Variants in ASB16 observed in about 807,000 individuals in gnomAD.
The protein encoded by ASB16 is ankyrin repeat and SOCS box containing 16, also known as ankyrin repeat and SOCS box protein 16.
Under a neutral mutation model 39.1 loss-of-function variants are expected in ASB16, and 44 were observed. The ratio of observed to expected loss-of-function variants is 1.13; its 90% CI spans 0.88 to 1.45. The LOEUF (loss-of-function observed/expected upper bound fraction) is 1.45, where lower values mean the gene tolerates loss of function less well. ASB16 is among the 40% of genes most tolerant of loss of function. The pLI is 0.00. For synonymous variants in ASB16, 305 were observed against 286.7 expected, an observed-to-expected ratio of 1.06 and a Z score of -0.64; for missense variants, 698 against 634.5, an observed-to-expected ratio of 1.10 and a Z score of -1.07.
In ASB16 at chr17:44,172,131, CCT is replaced by C; in HGVS notation, c.388_389del (p.Leu130AspfsTer6). 1 of 1,611,734 alleles carries C rather than the reference CCT, an allele frequency of 6.2e-7. No individual in the cohort carries two copies. Among genetic ancestry groups the C allele is most frequent in the Admixed American group, 1.7e-5 (1 of 59,994 alleles). On this transcript the variant is annotated frameshift_variant, in exon 2 of 5. Transcript: ENST00000293414. LOFTEE classifies it high-confidence loss of function. ...ARGYTDCARHLIRQGAELDAR... is the reference protein window; with the variant it reads ...ARGYTDCARHXIRQGAELDAR... Reference sequence around the variant, plus strand: ...GAGGCTACACAGACTGTGCTCGACACCTGATCCGGCAGGGAGCTGAGCTGGAT... The same window carrying C: ...GAGGCTACACAGACTGTGCTCGACACGATCCGGCAGGGAGCTGAGCTGGAT...
intron 3 of ASB16, 108 bp downstream of exon 3, chr17:44,177,338 C>G: frequency 1.4e-6 from 2 of 1,403,946 alleles, no homozygotes; most frequent in Non-Finnish European, 1.9e-6. Flanking sequence ...AAAGCCTGCC[C>G]TCAGTGGCCA....
Position 44,175,100 on chromosome 17 carries a change from TC to T in ASB16, c.570-1637del, listed in dbSNP as rs1486242746. On this transcript the variant is annotated intron_variant, in intron 2 of 4. Coordinates refer to ENST00000293414, the MANE Select transcript of ASB16 (RefSeq NM_080863.5). ...CTGGGCGACAGAGCAAGACTCTGCCTCAAAAAAAAAAAAAAAAGATTGGGCA... is the reference window on the plus strand; with the variant it reads ...CTGGGCGACAGAGCAAGACTCTGCCTAAAAAAAAAAAAAAAAGATTGGGCA... 2.0e-3 allele frequency among the ~76,000 whole-genome samples: 160 copies of T among 78,592 alleles called. 2 individuals are homozygous for T. Among genetic ancestry groups the T allele is most frequent in the African/African-American group, 9.9e-3 (121 of 12,204 alleles). The allele number at this position is 78,592 out of a possible 152,430, so 51.6% of individuals were successfully genotyped here. A position where few individuals can be genotyped will look rare whatever the true frequency, so the allele number is the denominator to read the frequency against.
intron 2 of ASB16, chr17:44,176,149 G>A (rs2054286501): frequency 6.4e-6 from 1 of 155,446 alleles, no homozygotes; most frequent in African/African-American, 2.4e-5. Flanking sequence ...GAGCCCAGGG[G>A]TTTGAGACCA....
At chr17:44,175,315 T>C (rs1162242791) in intron 2 of ASB16, among the ~76,000 whole-genome samples, 2 of 137,758 alleles carry the variant, frequency 1.5e-5, no homozygotes, top group South Asian at 4.4e-4. Context: ...GGCAGGAGAA[T>C]GGCAGGAACC....
At chr17:44,175,033 C>T (rs549995378) in intron 2 of ASB16, among the ~76,000 whole-genome samples, 5 of 149,708 alleles carry the variant, frequency 3.3e-5, no homozygotes, top group Non-Finnish European at 7.4e-5. Flanking sequence ...ACCCAGGAGG[C>T]AGAGACTGCA....
intron 3 of ASB16, 48 bp from the exon 4 acceptor site, chr17:44,177,561 C>T: frequency 1.3e-6 from 2 of 1,593,422 alleles, no homozygotes; most frequent in East Asian, 2.2e-5. Flanking sequence ...CTTGGGTCTG[C>T]CCTCGGGTGG....
intron 3 of ASB16, 140 bp downstream of exon 3, chr17:44,177,370 A>T: frequency 7.9e-7 from 1 of 1,268,184 alleles, no homozygotes; most frequent in Non-Finnish European, 1.1e-6. Context: ...CCAGCTTGGG[A>T]GGGGGAGAGA....
At chr17:44,171,763 C>G (rs2054244701) in intron 1 of ASB16, among the ~76,000 whole-genome samples, 1 of 152,096 alleles carries the variant, frequency 6.6e-6, no homozygotes, top group Non-Finnish European at 1.5e-5. Flanking sequence ...GGGAGTCACT[C>G]TACTTAGTTG....
At chr17:44,178,078 C>A (rs1171836717) in intron 4 of ASB16, 127 bp from the exon 5 acceptor site, 2 of 980,990 alleles carry the variant, frequency 2.0e-6, no homozygotes, top group Non-Finnish European at 1.5e-6. Context: ...GGTTCTGAAT[C>A]TGAGTCCTTT....
chr17:44,173,084 A>T (rs1303518847), intron 2 of ASB16, among the ~76,000 whole-genome samples: 2 of 113,452 alleles, frequency 1.8e-5, no homozygotes, highest in African/African-American at 3.4e-5. Flanking sequence ...AGACTGTCTT[A>T]AAAAAAAAAA....
chr17:44,177,816 C>A, intron 4 of ASB16, 94 bp downstream of exon 4: 1 of 1,524,864 alleles, frequency 6.6e-7, no homozygotes, highest in East Asian at 2.3e-5. Context: ...CAGGAGGGCC[C>A]CTGGGTAGAG....
At chr17:44,173,872 GCT>G (rs1169364048) in intron 2 of ASB16, among the ~76,000 whole-genome samples, 3 of 151,882 alleles carry the variant, frequency 2.0e-5, no homozygotes, top group Non-Finnish European at 4.4e-5. Context: ...GAAACACAGG[GCT>G]AGATTTTTTT....
chr17:44,175,960 A>G (rs983416348), intron 2 of ASB16: 1 of 152,084 alleles, frequency 6.6e-6, no homozygotes, highest in South Asian at 2.1e-4. Context: ...GAAAGAAAAT[A>G]TTATAACTTG....
chr17:44,174,622 C>G (rs969728394), intron 2 of ASB16, among the ~76,000 whole-genome samples: 1 of 152,138 alleles, frequency 6.6e-6, no homozygotes, highest in Admixed American at 6.6e-5. Context: ...CTCTCCACTG[C>G]CCACAAGCTG....
chr17:44,173,341 C>T (rs972537022), intron 2 of ASB16, among the ~76,000 whole-genome samples: 2 of 143,074 alleles, frequency 1.4e-5, no homozygotes, highest in Non-Finnish European at 3.0e-5. Context: ...TGCAGTGAAC[C>T]GAGATTGTGC....
Position 44,177,623 on chromosome 17 carries a change from C to G in ASB16, c.1077C>G (p.Cys359Trp), listed in dbSNP as rs551155706. 3.7e-6 allele frequency: 6 copies of G among 1,613,632 alleles called. No individual in the cohort carries two copies. In the South Asian group the frequency reaches 5.5e-5, roughly 15 times the overall value. ...QPVRPEMLKH[C>W]ANFPRALEVL... ...TTGACCCCTAGATGCTGAAACACTG[C>G]GCCAACTTCCCTCGGGCCCTGGAAG... The change falls in exon 4 of 5, where the codon TGC becomes TGG. Residue 359 changes from cysteine to tryptophan, a missense_variant. Physicochemically the swap from Cys to Trp is radical, Grantham distance 215. Transcript: ENST00000293414.
intron 2 of ASB16, chr17:44,175,873 G>A (rs982676477): frequency 6.6e-6 from 1 of 152,176 alleles, no homozygotes; most frequent in Non-Finnish European, 1.5e-5. Flanking sequence ...AAGTGGAGGA[G>A]GATGGCCCCA....
At chr17:44,173,098 A>C (rs1425211940) in intron 2 of ASB16, among the ~76,000 whole-genome samples, 3 of 146,122 alleles carry the variant, frequency 2.1e-5, no homozygotes, top group African/African-American at 7.5e-5. Flanking sequence ...AAAAAAAAAA[A>C]AAAAAAAAAG....
At chr17:44,177,557 T>C (rs888586986) in intron 3 of ASB16, 52 bp from the exon 4 acceptor site, 12 of 1,588,568 alleles carry the variant, frequency 7.6e-6, no homozygotes, top group Non-Finnish European at 1.0e-5. Context: ...AAGACTTGGG[T>C]CTGCCCTCGG....
Sources: gnomAD v4.1 joint callset for allele counts (sites outside exome capture counted in the v4.1 genomes callset) on GRCh38, gnomAD v4.1.1 for gene constraint, MANE v1.5 for transcripts, NCBI Gene and HGNC (gene_info 2026-07-23, HGNC 2026-07-21) for gene names.